Variants in CAMK1D observed in about 807,000 individuals in gnomAD.
The protein encoded by CAMK1D is calcium/calmodulin dependent protein kinase ID, also known as calcium/calmodulin-dependent protein kinase type 1D.
CAMK1D carries 9 observed loss-of-function variants against 47.7 expected under a neutral mutation model. That is an observed-to-expected ratio of 0.19 (90% CI 0.11 to 0.33). The LOEUF (loss-of-function observed/expected upper bound fraction) is 0.33. Among genes scored for constraint, CAMK1D ranks in the 10% least tolerant of loss-of-function variants. The pLI, the probability that CAMK1D is intolerant of heterozygous loss-of-function variation, is 1.00. For missense variants in CAMK1D, 291 were observed against 488.7 expected (o/e 0.60, Z 3.81); for synonymous variants, 184 against 184.9 (o/e 0.99, Z 0.04).
chr10:12,684,124 G>A (rs530654317), intron 3 of CAMK1D, among the ~76,000 whole-genome samples: 11 of 152,254 alleles, frequency 7.2e-5, no homozygotes, highest in Admixed American at 1.3e-4. Flanking sequence ...AGAGCCCAGC[G>A]GCCAGTTTGT....
At chr10:12,604,282 G>T (rs1344823981) in intron 2 of CAMK1D, among the ~76,000 whole-genome samples, 1 of 152,152 alleles carries the variant, frequency 6.6e-6, no homozygotes, top group African/African-American at 2.4e-5. Context: ...GGGAGATGGG[G>T]GTTGCGCAAA....
At chr10:12,611,267 C>T (rs949706356) in intron 2 of CAMK1D, among the ~76,000 whole-genome samples, 1 of 152,140 alleles carries the variant, frequency 6.6e-6, no homozygotes, top group African/African-American at 2.4e-5. Context: ...GACTCCACCT[C>T]CACTAAACGC....
intron 1 of CAMK1D, among the ~76,000 whole-genome samples, chr10:12,511,633 A>C (rs1342150719): frequency 6.6e-6 from 1 of 152,170 alleles, no homozygotes; most frequent in East Asian, 1.9e-4. Context: ...AACAAACAAA[A>C]AAACCACATA....
chr10:12,350,331 A>T (rs1278951952), intron 1 of CAMK1D, among the ~76,000 whole-genome samples: 1 of 152,246 alleles, frequency 6.6e-6, no homozygotes, highest in Non-Finnish European at 1.5e-5. Context: ...ATCAGCCTCC[A>T]GTCGTTCCCA....
chr10:12,381,302 C>T (rs1838335950), intron 1 of CAMK1D, among the ~76,000 whole-genome samples: 2 of 150,442 alleles, frequency 1.3e-5, no homozygotes, highest in Admixed American at 6.6e-5. Flanking sequence ...GGTAGTGGTT[C>T]TTAAAAAATG....
chr10:12,387,417 TTTATATATTTTATATATTATATATA>T (rs1838550805), intron 1 of CAMK1D, among the ~76,000 whole-genome samples: 1 of 48,266 alleles, frequency 2.1e-5, no homozygotes, highest in African/African-American at 6.4e-5. Context: ...TTATATATAT[TTTATATATTTTATATATTATATATA>T]TTTTATATAT....
chr10:12,699,834 C>G (rs529859967), intron 3 of CAMK1D, among the ~76,000 whole-genome samples: 4 of 152,284 alleles, frequency 2.6e-5, no homozygotes, highest in South Asian at 2.1e-4. Flanking sequence ...TTCCTCCACA[C>G]AAGTGTCACC....
chr10:12,819,861 G>A (rs1376166678), intron 8 of CAMK1D, among the ~76,000 whole-genome samples: 1 of 152,160 alleles, frequency 6.6e-6, no homozygotes, highest in Non-Finnish European at 1.5e-5. Context: ...ATGGAGTGGG[G>A]CAGGGAGGAC....
intron 2 of CAMK1D, among the ~76,000 whole-genome samples, chr10:12,617,506 A>G (rs1335400331): frequency 1.3e-5 from 2 of 152,156 alleles, no homozygotes; most frequent in Non-Finnish European, 2.9e-5. Flanking sequence ...GCAGGCTATG[A>G]TGGCCAGAAA....
chr10:12,724,720 G>A (rs1309957418), intron 3 of CAMK1D, among the ~76,000 whole-genome samples: 1 of 152,176 alleles, frequency 6.6e-6, no homozygotes, highest in African/African-American at 2.4e-5. Context: ...ATGCTTCTGT[G>A]TGAATGAAAT....
At chr10:12,694,197 T>TTATGCATAA (rs1833113417) in intron 3 of CAMK1D, among the ~76,000 whole-genome samples, 1 of 3,180 alleles carries the variant, frequency 3.1e-4, no homozygotes, top group African/African-American at 7.4e-4. Flanking sequence ...ATAATATATA[T>TTATGCATAA]TATATATTAT....
chr10:12,358,324 G>A lies in CAMK1D; in HGVS notation c.92+8414G>A, dbSNP rs545021920. Among the ~76,000 whole-genome samples, 3 of 152,258 alleles carry A rather than the reference G, an allele frequency of 2.0e-5. No homozygotes were observed. In the East Asian group the frequency reaches 5.8e-4, roughly 29 times the overall value. ...AGGCTGAGGCGAGTGGATCACCTGAGGTCAGGAGTTCAACACCTGGCCAAC... is the reference window on the plus strand; with the variant it reads ...AGGCTGAGGCGAGTGGATCACCTGAAGTCAGGAGTTCAACACCTGGCCAAC... On this transcript the variant is annotated intron_variant, in intron 1 of 10. Transcript: ENST00000619168.
chr10:12,608,195 G>A (rs1838519189), intron 2 of CAMK1D, among the ~76,000 whole-genome samples: 1 of 152,168 alleles, frequency 6.6e-6, no homozygotes, highest in Non-Finnish European at 1.5e-5. Flanking sequence ...AAGGTGGGTG[G>A]ATCACTTGAG....
At chr10:12,598,269 T>C (rs577289149) in intron 2 of CAMK1D, among the ~76,000 whole-genome samples, 1 of 152,338 alleles carries the variant, frequency 6.6e-6, no homozygotes, top group South Asian at 2.1e-4. Context: ...TAGGACATCA[T>C]GGCAGAGCAG....
intron 1 of CAMK1D, among the ~76,000 whole-genome samples, chr10:12,405,105 A>C (rs1839371606): frequency 6.6e-6 from 1 of 152,158 alleles, no homozygotes; most frequent in Non-Finnish European, 1.5e-5. Context: ...TGTTGAATTG[A>C]CATCATTCAA....
At chr10:12,658,162 A>G (rs1437935586) in intron 2 of CAMK1D, among the ~76,000 whole-genome samples, 3 of 152,086 alleles carry the variant, frequency 2.0e-5, no homozygotes, top group African/African-American at 7.2e-5. Context: ...AAAACAAAGA[A>G]CTGGGGTGAC....
chr10:12,662,513 A>G (rs1423046111), intron 2 of CAMK1D, among the ~76,000 whole-genome samples: 8 of 152,132 alleles, frequency 5.3e-5, no homozygotes, highest in African/African-American at 1.7e-4. Flanking sequence ...TCAGCCGGGC[A>G]TGGTGGCGGG....
chr10:12,700,227 A>G (rs1472999238), intron 3 of CAMK1D, among the ~76,000 whole-genome samples: 1 of 152,176 alleles, frequency 6.6e-6, no homozygotes, highest in Non-Finnish European at 1.5e-5. Flanking sequence ...AAACTAGGTA[A>G]TTTATAAAGG....
intron 2 of CAMK1D, among the ~76,000 whole-genome samples, chr10:12,633,566 T>C (rs1839437002): frequency 6.6e-6 from 1 of 152,190 alleles, no homozygotes; most frequent in South Asian, 2.1e-4. Context: ...ACTCTTTTCT[T>C]AATTTTTTGA....
Sources: gnomAD v4.1 joint callset for allele counts (sites outside exome capture counted in the v4.1 genomes callset) on GRCh38, gnomAD v4.1.1 for gene constraint, MANE v1.5 for transcripts, NCBI Gene and HGNC (gene_info 2026-07-23, HGNC 2026-07-21) for gene names.